Variants in NPM1 observed in about 807,000 individuals in gnomAD.
NPM1 encodes nucleophosmin 1, also known as nucleophosmin.
In NPM1, 1 loss-of-function variant was observed where a neutral mutation model predicts 44.1. That is an observed-to-expected ratio of 0.02 (90% CI 0.01 to 0.11). NPM1 has a LOEUF of 0.11. Ranked by LOEUF, NPM1 falls within the 10% of genes least tolerant of loss-of-function variation. NPM1 has a pLI of 1.00. For missense variants in NPM1, 197 were observed against 347.8 expected, an observed-to-expected ratio of 0.57 and a Z score of 3.45; for synonymous variants, 126 against 111.8, an observed-to-expected ratio of 1.13 and a Z score of -0.80.
intron 5 of NPM1, 48 bp from the exon 6 acceptor site, chr5:171,392,866 G>A (rs370479904): frequency 2.5e-6 from 4 of 1,612,958 alleles, no homozygotes; most frequent in African/African-American, 1.3e-5. Flanking sequence ...TTTTAGTTTG[G>A]TGATAGAACA....
chr5:171,390,316 T>A (rs1770506250), intron 2 of NPM1, among the ~76,000 whole-genome samples, 186 bp downstream of exon 2: 1 of 152,206 alleles, frequency 6.6e-6, no homozygotes, highest in Non-Finnish European at 1.5e-5. Flanking sequence ...TACCACTCAT[T>A]TGGTAACCAT....
chr5:171,391,428 A>G lies in NPM1; in HGVS notation c.258+4A>G. ...GAAAATGTCTGTACAGCCAACGGTAAGGGCACTTACATACTTTGGATGTTG... is the reference window on the plus strand; with the variant it reads ...GAAAATGTCTGTACAGCCAACGGTAGGGGCACTTACATACTTTGGATGTTG... On this transcript the variant is annotated splice_donor_region_variant and intron_variant, in intron 3 of 10. Transcript: ENST00000296930. 6.2e-7 allele frequency: 1 copy of G among 1,606,254 alleles called. No homozygotes were observed. Among genetic ancestry groups the G allele is most frequent in the Non-Finnish European group, 8.5e-7 (1 of 1,179,918 alleles).
At chr5:171,405,234 A>G (rs1178208843) in intron 8 of NPM1, 68 bp from the exon 9 acceptor site, 3 of 740,774 alleles carry the variant, frequency 4.0e-6, no homozygotes, top group Non-Finnish European at 6.9e-6. Flanking sequence ...GGAAATCCAG[A>G]TAGAATGGGT....
At chr5:171,409,805 C>T (rs1771734247) in intron 10 of NPM1, among the ~76,000 whole-genome samples, 1 of 101,418 alleles carries the variant, frequency 9.9e-6, no homozygotes. Context: ...CCATGCCTGG[C>T]CAGCTGTTTT....
intron 8 of NPM1, among the ~76,000 whole-genome samples, chr5:171,404,245 A>C (rs1194950769): frequency 1.1e-5 from 1 of 88,034 alleles, no homozygotes. Flanking sequence ...ACCCCCCCCC[A>C]CCTCCCTCCC....
chr5:171,392,905 T>A lies in NPM1; in HGVS notation c.460-9T>A. On this transcript the variant is annotated splice_polypyrimidine_tract_variant and intron_variant, in intron 5 of 10. Transcript: ENST00000296930. Reference sequence around the variant, plus strand: ...CTTGTTCATGAGTACGTATCTTTTCTTTTAAAAGAAAAAAGTAAAACTTGC... The same window carrying A: ...CTTGTTCATGAGTACGTATCTTTTCATTTAAAAGAAAAAAGTAAAACTTGC... 1 of 1,612,308 alleles carries A rather than the reference T, an allele frequency of 6.2e-7. No homozygotes were observed. Among genetic ancestry groups the A allele is most frequent in the Middle Eastern group, 1.7e-4 (1 of 6,060 alleles).
At chr5:171,400,002 T>A in intron 6 of NPM1, 151 bp from the exon 7 acceptor site, 1 of 610,698 alleles carries the variant, frequency 1.6e-6, no homozygotes. Context: ...TTTAGTCATT[T>A]AACACTTGGG....
At chr5:171,400,790 A>G (rs765921598) in intron 7 of NPM1, 49 bp from the exon 8 acceptor site, 60 of 1,232,268 alleles carry the variant, frequency 4.9e-5, no homozygotes, top group Non-Finnish European at 6.8e-5. Context: ...CTTTGTTTGC[A>G]CTGTTGTTGG....
intron 6 of NPM1, among the ~76,000 whole-genome samples, chr5:171,393,873 C>G (rs1311045590): frequency 6.6e-6 from 1 of 152,076 alleles, no homozygotes; most frequent in African/African-American, 2.4e-5. Flanking sequence ...TGGTTCACAC[C>G]CGTAATCCTA....
chr5:171,396,718 C>T (rs572438892), intron 6 of NPM1, among the ~76,000 whole-genome samples: 2 of 152,290 alleles, frequency 1.3e-5, no homozygotes, highest in South Asian at 4.1e-4. Context: ...TAACAGTTCA[C>T]ACCTGTAATC....
chr5:171,403,418 A>T (rs1771341717), intron 8 of NPM1, among the ~76,000 whole-genome samples: 1 of 113,018 alleles, frequency 8.8e-6, no homozygotes, highest in South Asian at 3.1e-4. Context: ...TTCTACACAG[A>T]CACGGCAACC....
Position 171,410,512 on chromosome 5 carries a change from T to TC in NPM1, c.847-15_847-14insC. On this transcript the variant is annotated splice_polypyrimidine_tract_variant and intron_variant, in intron 10 of 10. Transcript: ENST00000296930. Reference sequence around the variant, plus strand: ...TTGTGGTTCCTTAACCACATTTCTTTTTTTTTTTTTCCAGGCTATTCAAGA... The same window carrying TC: ...TTGTGGTTCCTTAACCACATTTCTTTCTTTTTTTTTTCCAGGCTATTCAAGA... The TC allele has an allele frequency of 6.6e-7, 1 of 1,521,216 alleles. No homozygotes were observed. The highest frequency in any genetic ancestry group is 8.9e-7 in the Non-Finnish European group (1 of 1,128,570). The allele number at this position is 1,521,216 out of a possible 1,614,324, so 94.2% of individuals were successfully genotyped here. A position where few individuals can be genotyped will look rare whatever the true frequency, so the allele number is the denominator to read the frequency against.
At chr5:171,406,761 A>G (rs1450476489) in intron 9 of NPM1, 1 of 1,065,762 alleles carries the variant, frequency 9.4e-7, no homozygotes, top group Non-Finnish European at 1.1e-6. Context: ...TTTGAAATGG[A>G]AATTGTGAGG....
At chr5:171,395,566 C>T (rs987751135) in intron 6 of NPM1, among the ~76,000 whole-genome samples, 3 of 152,160 alleles carry the variant, frequency 2.0e-5, no homozygotes, top group Non-Finnish European at 2.9e-5. Flanking sequence ...CATGCACCGC[C>T]GCAAGTTTTC....
At chr5:171,399,329 A>G (rs1213076243) in intron 6 of NPM1, among the ~76,000 whole-genome samples, 1 of 152,030 alleles carries the variant, frequency 6.6e-6, no homozygotes, top group Admixed American at 6.6e-5. Context: ...TTACACAGTT[A>G]CAGTTCACTG....
At chr5:171,387,437 G>T (rs1770271118), upstream of NPM1, among the ~76,000 whole-genome samples, 1 of 152,134 alleles carries the variant, frequency 6.6e-6, no homozygotes, top group African/African-American at 2.4e-5. Context: ...GTGCTCTCTG[G>T]CTCATTCGCA....
In NPM1 at chr5:171,410,510, T is replaced by C. The variant is rs778609783; in HGVS notation, c.847-17T>C. ...TGTTGTGGTTCCTTAACCACATTTC[T>C]TTTTTTTTTTTTCCAGGCTATTCAA... On this transcript the variant is annotated splice_polypyrimidine_tract_variant and intron_variant, in intron 10 of 10. Transcript: ENST00000296930. The C allele has an allele frequency of 9.0e-6, 4 of 443,432 alleles. No individual in the cohort carries two copies. The Admixed American group carries it at 1.6e-4, about 17-fold the overall frequency. 27.5% of individuals were successfully genotyped at this position (443,432 alleles called of 1,614,324 possible). A position where few individuals can be genotyped will look rare whatever the true frequency, so the allele number is the denominator to read the frequency against.
intron 3 of NPM1, 47 bp downstream of exon 3, chr5:171,391,471 G>C (rs375107098): frequency 3.8e-6 from 6 of 1,597,624 alleles, no homozygotes; most frequent in Admixed American, 3.4e-5. Flanking sequence ...GTTTAATTCT[G>C]TTTTAAGGTA....
At chr5:171,410,453 AAG>A in intron 10 of NPM1, 72 bp from the exon 11 acceptor site, 1 of 920,574 alleles carries the variant, frequency 1.1e-6, no homozygotes, top group Non-Finnish European at 1.7e-6. Flanking sequence ...GAACTATGCA[AAG>A]AGACATTTAA....
Sources: allele counts gnomAD v4.1 joint callset (sites outside exome capture counted in the v4.1 genomes callset), GRCh38; gene constraint gnomAD v4.1.1; transcripts MANE v1.5; gene names NCBI Gene and HGNC (gene_info 2026-07-23, HGNC 2026-07-21).